ESRRG: variants seen among roughly 807,000 people sequenced by gnomAD.
ESRRG encodes the protein estrogen related receptor gamma.
Under a neutral mutation model 44.0 loss-of-function variants are expected in ESRRG, and 13 were observed. That is an observed-to-expected ratio of 0.30 (90% CI 0.19 to 0.47). ESRRG has a LOEUF of 0.47. Ranked by LOEUF, ESRRG falls within the 20% of genes least tolerant of loss-of-function variation. ESRRG has a pLI of 1.00. For missense variants in ESRRG, 395 were observed against 580.6 expected, an observed-to-expected ratio of 0.68 and a Z score of 3.29; for synonymous variants, 215 against 214.6, an observed-to-expected ratio of 1.00 and a Z score of -0.02.
chr1:217,054,223 C>T (rs1021163788), intron 1 of ESRRG, among the ~76,000 whole-genome samples: 9 of 152,146 alleles, frequency 5.9e-5, no homozygotes, highest in Admixed American at 5.2e-4. Flanking sequence ...CTTCCCCCTC[C>T]TGTACTTGAC....
At chr1:216,999,557 A>G (rs2076766976) in intron 1 of ESRRG, among the ~76,000 whole-genome samples, 1 of 152,102 alleles carries the variant, frequency 6.6e-6, no homozygotes, top group Non-Finnish European at 1.5e-5. Context: ...TCGGACTCCA[A>G]ATTTCTCATT....
At chr1:216,990,443 TA>T (rs1331013037) in intron 1 of ESRRG, among the ~76,000 whole-genome samples, 1 of 152,194 alleles carries the variant, frequency 6.6e-6, no homozygotes, top group Non-Finnish European at 1.5e-5. Flanking sequence ...TTTTGTATCC[TA>T]AAGTTTAGCA....
chr1:216,571,573 C>T (rs576772666), intron 3 of ESRRG, among the ~76,000 whole-genome samples: 26 of 152,252 alleles, frequency 1.7e-4, no homozygotes, highest in Non-Finnish European at 2.6e-4. Flanking sequence ...CTATTCCATG[C>T]GTCACAAATC....
intron 1 of ESRRG, among the ~76,000 whole-genome samples, chr1:216,964,006 C>T (rs1402591063): frequency 1.3e-5 from 2 of 152,074 alleles, no homozygotes; most frequent in Non-Finnish European, 2.9e-5. Context: ...AAGATACTAC[C>T]TGGAGATTTC....
intron 3 of ESRRG, among the ~76,000 whole-genome samples, chr1:216,592,132 T>C (rs1037320502): frequency 4.6e-5 from 7 of 152,188 alleles, no homozygotes; most frequent in South Asian, 4.1e-4. Context: ...ATAGCCCAAA[T>C]TGAGGAACAC....
At chr1:217,124,829 C>A (rs1460083295) in intron 1 of ESRRG, among the ~76,000 whole-genome samples, 5 of 152,202 alleles carry the variant, frequency 3.3e-5, no homozygotes, top group Non-Finnish European at 7.3e-5. Flanking sequence ...GAAACTCATT[C>A]TATGCCCCTA....
intron 3 of ESRRG, among the ~76,000 whole-genome samples, chr1:216,580,746 T>C (rs1423376563): frequency 1.3e-5 from 2 of 152,190 alleles, no homozygotes; most frequent in African/African-American, 2.4e-5. Flanking sequence ...GACCCACAGA[T>C]TCAGAGTCCA....
Position 216,519,223 on chromosome 1 carries a change from T to G in ESRRG, c.1061A>C (p.Lys354Thr). The change falls in exon 6 of 7, where the codon AAG (lysine) becomes ACG (threonine). Residue 354 changes from lysine (K) to threonine (T), a missense_variant. Physicochemically the swap from Lys to Thr is moderately conservative, Grantham distance 78. Transcript: ENST00000408911. Reference sequence around the variant, plus strand: ...TTCCAGCTTCATGCTCTTGTATTTCTTTACCAGCTGCAGGATAGCATTATT... The same window carrying G: ...TTCCAGCTTCATGCTCTTGTATTTCGTTACCAGCTGCAGGATAGCATTATT... The part of the protein sequence containing the change: ...DLNNAILQLV[K>T]KYKSMKLEKE... 1 of 1,613,780 alleles carries G rather than the reference T, an allele frequency of 6.2e-7. No individual in the cohort carries two copies. Among genetic ancestry groups the G allele is most frequent in the Non-Finnish European group, 8.5e-7 (1 of 1,179,752 alleles).
intron 5 of ESRRG, among the ~76,000 whole-genome samples, chr1:216,558,034 G>C (rs1022669652): frequency 4.6e-5 from 7 of 152,126 alleles, no homozygotes; most frequent in Non-Finnish European, 7.4e-5. Flanking sequence ...TATTTAGTAT[G>C]ATGACAGAAT....
At chr1:216,733,424 C>CCA (rs1230442896) in intron 2 of ESRRG, among the ~76,000 whole-genome samples, 1 of 152,048 alleles carries the variant, frequency 6.6e-6, no homozygotes, top group Admixed American at 6.6e-5. Flanking sequence ...CTAGTACTGC[C>CCA]CACGTTCTGC....
intron 1 of ESRRG, among the ~76,000 whole-genome samples, chr1:217,059,700 T>C (rs2087932672): frequency 6.6e-6 from 1 of 152,000 alleles, no homozygotes; most frequent in Non-Finnish European, 1.5e-5. Flanking sequence ...CTGAGTCCAG[T>C]CCCAGGTACC....
intron 2 of ESRRG, among the ~76,000 whole-genome samples, chr1:216,843,587 G>T (rs1370829361): frequency 6.6e-6 from 1 of 152,080 alleles, no homozygotes; most frequent in African/African-American, 2.4e-5. Context: ...GGACCAAGAC[G>T]CGGATCACAT....
intron 1 of ESRRG, among the ~76,000 whole-genome samples, chr1:216,994,299 G>A (rs923893016): frequency 5.3e-5 from 8 of 152,176 alleles, no homozygotes; most frequent in African/African-American, 1.9e-4. Context: ...AGATGAGTTA[G>A]TAGCTCCTCT....
rs559345728 is a variant in ESRRG, at chr1:216,690,433, G to C, written c.57-12942C>G. Among the ~76,000 whole-genome samples the C allele has an allele frequency of 1.1e-3, 165 of 152,152 alleles. 1 individual carries two copies. In the Middle Eastern group the frequency reaches 0.02, roughly 19 times the overall value. ...TACTGTAAAATTCTGTGATGTTCCAGAACAAGGAAAACTAATCATCATAAT... is the reference window on the plus strand; with the variant it reads ...TACTGTAAAATTCTGTGATGTTCCACAACAAGGAAAACTAATCATCATAAT... On this transcript the variant is annotated intron_variant, in intron 1 of 6. Coordinates refer to ENST00000408911, the MANE Select transcript of ESRRG (RefSeq NM_001438.4).
intron 2 of ESRRG, among the ~76,000 whole-genome samples, chr1:216,741,066 T>C (rs969308141): frequency 6.6e-6 from 1 of 151,322 alleles, no homozygotes; most frequent in Non-Finnish European, 1.5e-5. Flanking sequence ...TCTCTCTTCT[T>C]TCACGCCCCC....
At chr1:217,061,126 A>C (rs2151350982) in intron 1 of ESRRG, among the ~76,000 whole-genome samples, 1 of 152,192 alleles carries the variant, frequency 6.6e-6, no homozygotes, top group Middle Eastern at 3.4e-3. Flanking sequence ...GGGGATTTTC[A>C]GGAGTTAACA....
chr1:217,075,015 A>T (rs1460676585), intron 1 of ESRRG, among the ~76,000 whole-genome samples: 1 of 152,084 alleles, frequency 6.6e-6, no homozygotes, highest in African/African-American at 2.4e-5. Context: ...TCCTGCATAT[A>T]CCGAAGCCTA....
At chr1:216,999,228 C>A in intron 1 of ESRRG, among the ~76,000 whole-genome samples, 1 of 152,134 alleles carries the variant, frequency 6.6e-6, no homozygotes, top group East Asian at 1.9e-4. Context: ...ACTGGGTTCA[C>A]ATCTTATCAT....
chr1:217,131,914 T>C (rs1045190541), intron 1 of ESRRG, among the ~76,000 whole-genome samples: 10 of 152,128 alleles, frequency 6.6e-5, no homozygotes, highest in African/African-American at 2.2e-4. Context: ...ATGTGTAAAT[T>C]TGATGATCAA....
Sources: gnomAD v4.1 joint callset for allele counts (sites outside exome capture counted in the v4.1 genomes callset) on GRCh38, gnomAD v4.1.1 for gene constraint, MANE v1.5 for transcripts, NCBI Gene and HGNC (gene_info 2026-07-23, HGNC 2026-07-21) for gene names.